The following ACTL8 variants were observed in gnomAD, a reference collection of about 807,000 sequenced individuals.
ACTL8 encodes the protein actin-like protein 8.
In ACTL8, 3 loss-of-function variants were observed where a neutral mutation model predicts 9.3. That is an observed-to-expected ratio of 0.32 (90% confidence interval 0.15 to 0.83). The LOEUF (loss-of-function observed/expected upper bound fraction) is 0.83. ACTL8 is among the 40% of genes least tolerant of loss of function. ACTL8 has a pLI of 0.57. For synonymous variants in ACTL8, 224 were observed against 205.9 expected, an observed-to-expected ratio of 1.09 and a Z score of -0.75; for missense variants, 381 against 492.2, an observed-to-expected ratio of 0.77 and a Z score of 2.14.
intron 1 of ACTL8, among the ~76,000 whole-genome samples, chr1:17,814,118 A>G (rs934556864): frequency 3.3e-5 from 5 of 152,162 alleles, no homozygotes; most frequent in Non-Finnish European, 5.9e-5. Flanking sequence ...TGACATTTTG[A>G]TCAACCACAG....
chr1:17,824,187 G>A (rs1449283786), intron 2 of ACTL8, among the ~76,000 whole-genome samples: 1 of 152,170 alleles, frequency 6.6e-6, no homozygotes, highest in East Asian at 1.9e-4. Context: ...GTAGGCTGTG[G>A]GGAGTGCTTG....
At chr1:17,798,572 T>G (rs1463907428) in intron 1 of ACTL8, among the ~76,000 whole-genome samples, 1 of 152,196 alleles carries the variant, frequency 6.6e-6, no homozygotes, top group East Asian at 1.9e-4. Context: ...TTTAAGATTT[T>G]AGTCTGAGTC....
intron 1 of ACTL8, among the ~76,000 whole-genome samples, chr1:17,763,861 T>A: frequency 6.6e-6 from 1 of 152,266 alleles, no homozygotes; most frequent in South Asian, 2.1e-4. Flanking sequence ...GGGTTGGCCC[T>A]CTGGAAACAG....
At chr1:17,819,933 C>T (rs2053638337) in intron 1 of ACTL8, among the ~76,000 whole-genome samples, 1 of 151,934 alleles carries the variant, frequency 6.6e-6, no homozygotes. Flanking sequence ...TGCTTGAGCC[C>T]AGGAGATTGA....
Position 17,822,976 on chromosome 1 carries a change from C to T in ACTL8, c.-24-9C>T, listed in dbSNP as rs754348930. ...CCTGCACAACTAACCCCATCCTTTG[C>T]TTCCGCAGGTCCCACCCACCTCTGC... is the stretch of plus-strand genomic sequence containing the variant. On this transcript the variant is annotated splice_polypyrimidine_tract_variant and intron_variant, in intron 1 of 2. Coordinates refer to ENST00000375406, the MANE Select transcript of ACTL8 (RefSeq NM_030812.3). 5.0e-6 allele frequency: 8 copies of T among 1,585,468 alleles called. No individual in the cohort carries two copies. The highest frequency in any genetic ancestry group is 6.9e-6 in the Non-Finnish European group (8 of 1,163,632).
intron 1 of ACTL8, among the ~76,000 whole-genome samples, chr1:17,814,963 A>G (rs2066417118): frequency 6.6e-6 from 1 of 152,176 alleles, no homozygotes; most frequent in Non-Finnish European, 1.5e-5. Flanking sequence ...AGTACGTACT[A>G]TTATTTTACA....
intron 1 of ACTL8, among the ~76,000 whole-genome samples, chr1:17,781,958 G>C (rs1000927574): frequency 2.6e-5 from 4 of 152,212 alleles, no homozygotes; most frequent in African/African-American, 9.7e-5. Flanking sequence ...GAAGGAGCCA[G>C]ATGGAGCCAA....
chr1:17,821,721 C>T (rs1008440999), intron 1 of ACTL8, among the ~76,000 whole-genome samples: 2 of 152,078 alleles, frequency 1.3e-5, no homozygotes, highest in Admixed American at 6.5e-5. Context: ...ATCCGCCTCC[C>T]GGTTTCAAGC....
intron 1 of ACTL8, among the ~76,000 whole-genome samples, chr1:17,803,223 TCTC>T (rs201577350): frequency 0.073 from 11,078 of 152,192 alleles, 490 homozygotes; most frequent in East Asian, 0.15. Flanking sequence ...GCTCGGCACT[TCTC>T]CTTGCTGCCG....
At chr1:17,804,525 C>T (rs1407693452) in intron 1 of ACTL8, among the ~76,000 whole-genome samples, 1 of 152,014 alleles carries the variant, frequency 6.6e-6, no homozygotes, top group African/African-American at 2.4e-5. Context: ...GCAACGAGGA[C>T]ACAGGGACCC....
chr1:17,820,296 C>T (rs898526390), intron 1 of ACTL8, among the ~76,000 whole-genome samples: 1 of 152,090 alleles, frequency 6.6e-6, no homozygotes, highest in African/African-American at 2.4e-5. Flanking sequence ...CAGCCTCGGG[C>T]ATTTGAGATT....
intron 1 of ACTL8, among the ~76,000 whole-genome samples, chr1:17,788,165 A>T (rs1047348692): frequency 2.6e-5 from 4 of 152,044 alleles, no homozygotes; most frequent in Admixed American, 6.5e-5. Context: ...TCTGTGTAGC[A>T]GTTATTTTGC....
intron 1 of ACTL8, among the ~76,000 whole-genome samples, chr1:17,796,306 CTGTGTGTGTG>C (rs3063168): frequency 0.097 from 14,364 of 148,002 alleles, 792 homozygotes; most frequent in Admixed American, 0.15. Context: ...ATGCGTGCAC[CTGTGTGTGTG>C]TGTGTGTGTG....
Position 17,826,615 on chromosome 1 carries a change from G to A in ACTL8, c.*96G>A, listed in dbSNP as rs1393015876. Reference sequence around the variant, plus strand: ...TCTGGGTGGGGGTAGAATGAGGTGGGGTGGGGTGAGCTGGCTTTGGAATTC... The same window carrying A: ...TCTGGGTGGGGGTAGAATGAGGTGGAGTGGGGTGAGCTGGCTTTGGAATTC... On this transcript the variant is annotated 3_prime_UTR_variant, in exon 3 of 3. Transcript: ENST00000375406. This position sits in a 1 kb window ranked among gnomAD's most constrained non-coding sequence, Gnocchi z 4.5. 4 of 1,273,186 alleles carry A rather than the reference G, an allele frequency of 3.1e-6. No individual in the cohort carries two copies. The highest frequency in any genetic ancestry group is 3.1e-6 in the Non-Finnish European group (3 of 953,990). The allele number at this position is 1,273,186 out of a possible 1,614,324, so 78.9% of individuals were successfully genotyped here. A position where few individuals can be genotyped will look rare whatever the true frequency, so the allele number is the denominator to read the frequency against.
intron 1 of ACTL8, among the ~76,000 whole-genome samples, chr1:17,786,266 A>G (rs895903799): frequency 9.2e-5 from 14 of 152,198 alleles, no homozygotes; most frequent in Non-Finnish European, 1.6e-4. Flanking sequence ...GCCTTACCCT[A>G]TTGATTAGAA....
chr1:17,803,546 G>A (rs2066338473), intron 1 of ACTL8, among the ~76,000 whole-genome samples: 1 of 152,214 alleles, frequency 6.6e-6, no homozygotes, highest in Admixed American at 6.5e-5. Context: ...GGCCAGGCCT[G>A]TCTCAAACTC....
At chr1:17,764,945 G>A (rs2066033598) in intron 1 of ACTL8, among the ~76,000 whole-genome samples, 1 of 152,300 alleles carries the variant, frequency 6.6e-6, no homozygotes, top group South Asian at 2.1e-4. Context: ...ATCTGGGTAG[G>A]GGGGCTGTAT....
intron 1 of ACTL8, among the ~76,000 whole-genome samples, chr1:17,805,535 C>T (rs1345751670): frequency 6.6e-6 from 1 of 151,968 alleles, no homozygotes; most frequent in African/African-American, 2.4e-5. Flanking sequence ...TATGCACCAC[C>T]ATGCCCAGCC....
intron 1 of ACTL8, among the ~76,000 whole-genome samples, chr1:17,762,772 C>G (rs1274812051): frequency 6.6e-6 from 1 of 152,112 alleles, no homozygotes; most frequent in East Asian, 1.9e-4. Context: ...CCCCCGCCCC[C>G]CAAGGCCTTG....
Sources: gnomAD v4.1 joint callset for allele counts (sites outside exome capture counted in the v4.1 genomes callset) on GRCh38, gnomAD v4.1.1 for gene constraint, Gnocchi (gnomAD v3.1) non-coding constraint, MANE v1.5 for transcripts, NCBI Gene and HGNC (gene_info 2026-07-23, HGNC 2026-07-21) for gene names.